ENOX1: variants seen among roughly 807,000 people sequenced by gnomAD.
The protein encoded by ENOX1 is ecto-NOX disulfide-thiol exchanger 1, also known as candidate growth-related and time keeping constitutive hydroquinone (NADH) oxidase.
ENOX1 carries 42 observed loss-of-function variants against 82.5 expected under a neutral mutation model. That is an observed-to-expected ratio of 0.51 (90% CI 0.40 to 0.66). The LOEUF is 0.66. Among genes scored for constraint, ENOX1 ranks in the 30% least tolerant of loss-of-function variants. The probability of loss-of-function intolerance (pLI) is 0.00; values close to 1 mark genes in which losing one functional copy is unlikely to be tolerated. For missense variants in ENOX1, 608 were observed against 811.6 expected, an observed-to-expected ratio of 0.75 and a Z score of 3.05; for synonymous variants, 271 against 282.2, an observed-to-expected ratio of 0.96 and a Z score of 0.40.
intron 8 of ENOX1, among the ~76,000 whole-genome samples, chr13:43,349,150 CAA>C (rs1275082616): frequency 6.6e-6 from 1 of 152,128 alleles, no homozygotes; most frequent in African/African-American, 2.4e-5. Flanking sequence ...AATTTCATGT[CAA>C]AGAGTATTTT....
In ENOX1 at chr13:43,344,728, A is replaced by C. The variant is rs2049277775; in HGVS notation, c.846T>G (p.Ala282=). 2.5e-6 allele frequency: 4 copies of C among 1,614,156 alleles called. No individual in the cohort carries two copies. In the African/African-American group the frequency reaches 4.0e-5, roughly 16 times the overall value. Residue 282 remains alanine, a synonymous_variant, in exon 9 of 17, where the codon GCT becomes GCG. Transcript: ENST00000690772. ...CAATCCAGGAAAGCAGCACTGTGAT[A>C]GCCTCTGAAAACTTGCTATCATCTG... The part of the protein sequence containing the change: ...KLKDDSKFSE[A]ITVLLSWIER...
At chr13:43,330,154 A>G (rs1232435413) in intron 9 of ENOX1, among the ~76,000 whole-genome samples, 2 of 152,262 alleles carry the variant, frequency 1.3e-5, no homozygotes, top group East Asian at 3.8e-4. Flanking sequence ...CTCTATCTAT[A>G]TACAATAAAA....
intron 3 of ENOX1, among the ~76,000 whole-genome samples, chr13:43,475,972 G>A (rs1311029279): frequency 6.6e-6 from 1 of 151,916 alleles, no homozygotes; most frequent in Admixed American, 6.6e-5. Flanking sequence ...ATAACTCTTG[G>A]GAATGGATGG....
At chr13:43,698,807 T>C (rs944244143) in intron 1 of ENOX1, among the ~76,000 whole-genome samples, 2 of 152,160 alleles carry the variant, frequency 1.3e-5, no homozygotes, top group African/African-American at 4.8e-5. Context: ...CTCCCAACGA[T>C]CTTACTCTAG....
intron 3 of ENOX1, among the ~76,000 whole-genome samples, chr13:43,479,681 A>C (rs1285246119): frequency 6.6e-6 from 1 of 152,236 alleles, no homozygotes; most frequent in African/African-American, 2.4e-5. Context: ...CTCAGAGTAG[A>C]AGTGCAATAG....
At chr13:43,680,395 T>A (rs1009978992) in intron 1 of ENOX1, among the ~76,000 whole-genome samples, 31 of 152,192 alleles carry the variant, frequency 2.0e-4, no homozygotes, top group African/African-American at 7.2e-4. Context: ...CTATTCCAGA[T>A]AGGATGGTGT....
chr13:43,471,992 TTAAAAC>T (rs1430854087), intron 3 of ENOX1, among the ~76,000 whole-genome samples: 2 of 151,546 alleles, frequency 1.3e-5, no homozygotes, highest in Admixed American at 6.6e-5. Context: ...AAAAAATTCT[TTAAAAC>T]TAAGACTTTC....
intron 3 of ENOX1, among the ~76,000 whole-genome samples, chr13:43,477,552 A>G (rs2058339215): frequency 6.6e-6 from 1 of 152,192 alleles, no homozygotes; most frequent in Admixed American, 6.5e-5. Context: ...GACTTACTGT[A>G]GAAGAAAAGA....
intron 3 of ENOX1, among the ~76,000 whole-genome samples, chr13:43,458,126 A>T (rs986738555): frequency 2.0e-5 from 3 of 152,230 alleles, no homozygotes; most frequent in African/African-American, 7.2e-5. Context: ...TAAAAAAGTT[A>T]ACTATGTTGT....
intron 1 of ENOX1, among the ~76,000 whole-genome samples, chr13:43,756,382 G>T (rs768384667): frequency 6.6e-6 from 1 of 151,264 alleles, no homozygotes; most frequent in South Asian, 2.1e-4. Flanking sequence ...GCAGTGAACC[G>T]GGATCGTACC....
chr13:43,323,876 C>T (rs2047954642), intron 10 of ENOX1, among the ~76,000 whole-genome samples: 2 of 152,166 alleles, frequency 1.3e-5, no homozygotes, highest in Admixed American at 6.5e-5. Context: ...TTAACTACAG[C>T]ATGATGGAGA....
chr13:43,522,476 G>T (rs1183425835), intron 2 of ENOX1, among the ~76,000 whole-genome samples: 4 of 151,950 alleles, frequency 2.6e-5, no homozygotes, highest in South Asian at 2.1e-4. Context: ...GATAATACAG[G>T]CCCAGAGAAA....
chr13:43,743,712 G>A (rs1218725075), intron 1 of ENOX1, among the ~76,000 whole-genome samples: 6 of 152,158 alleles, frequency 3.9e-5, no homozygotes, highest in South Asian at 2.1e-4. Flanking sequence ...CTCTTTCTGC[G>A]TAAAAATGGA....
At chr13:43,263,192 C>T (rs1352713337) in intron 14 of ENOX1, among the ~76,000 whole-genome samples, 1 of 152,112 alleles carries the variant, frequency 6.6e-6, no homozygotes, top group African/African-American at 2.4e-5. Flanking sequence ...GTAAGTAATC[C>T]ACCACCTGGG....
intron 5 of ENOX1, among the ~76,000 whole-genome samples, chr13:43,375,550 A>G (rs1225179503): frequency 1.3e-5 from 2 of 152,202 alleles, no homozygotes; most frequent in Non-Finnish European, 2.9e-5. Context: ...TGATGCAGAT[A>G]CCTGGGCACA....
rs550463442 is a variant in ENOX1, at chr13:43,237,590, AG to A, written c.1612-853del. Among the ~76,000 whole-genome samples the A allele has an allele frequency of 2.0e-4, 30 of 152,350 alleles. No individual in the cohort carries two copies. In the South Asian group the frequency reaches 5.2e-3, roughly 26 times the overall value. ...ATATGAGCAGTGGTGGGGAACCTGCAGGGATGATAGAGAACAGGTACGGAGA... is the reference window on the plus strand; with the variant it reads ...ATATGAGCAGTGGTGGGGAACCTGCAGGATGATAGAGAACAGGTACGGAGA... On this transcript the variant is annotated intron_variant, in intron 14 of 16. Coordinates refer to ENST00000690772, the MANE Select transcript of ENOX1 (RefSeq NM_001347969.2).
intron 1 of ENOX1, among the ~76,000 whole-genome samples, chr13:43,746,449 G>T (rs556900823): frequency 6.6e-6 from 1 of 152,244 alleles, no homozygotes; most frequent in African/African-American, 2.4e-5. Context: ...GGCAGATGGA[G>T]GTTAGGGCAG....
At chr13:43,546,450 A>G (rs1241049524) in intron 2 of ENOX1, 1 of 152,452 alleles carries the variant, frequency 6.6e-6, no homozygotes, top group Admixed American at 6.5e-5. Flanking sequence ...CACAGGGCAG[A>G]GCAGTAGGGC....
rs1363946775 is a variant in ENOX1, at chr13:43,214,129, A to G, written c.1801-8T>C. ...TATTTCATTTGCAGATATCTGTTAG[A>G]AAGGAAGGAAAGTCACTTTGGGGAA... On this transcript the variant is annotated splice_region_variant and splice_polypyrimidine_tract_variant and intron_variant, in intron 16 of 16. Transcript: ENST00000690772. The G allele has an allele frequency of 6.2e-7, 1 of 1,611,290 alleles. No homozygotes were observed. Among genetic ancestry groups the G allele is most frequent in the Admixed American group, 1.7e-5 (1 of 59,740 alleles).
Sources: allele counts gnomAD v4.1 joint callset (sites outside exome capture counted in the v4.1 genomes callset), GRCh38; gene constraint gnomAD v4.1.1; transcripts MANE v1.5; gene names NCBI Gene and HGNC (gene_info 2026-07-23, HGNC 2026-07-21).